Variants in TACO1 observed in about 807,000 individuals in gnomAD.
TACO1 encodes translational activator of cytochrome c oxidase I, also known as translational activator of cytochrome c oxidase 1.
In TACO1, 13 loss-of-function variants were observed where a neutral mutation model predicts 24.0. That is an observed-to-expected ratio of 0.54 (90% CI 0.35 to 0.86). The LOEUF (loss-of-function observed/expected upper bound fraction) is 0.86. TACO1 is among the 40% of genes least tolerant of loss of function. The probability of loss-of-function intolerance (pLI) is 0.01; values close to 1 mark genes in which losing one functional copy is unlikely to be tolerated. For missense variants in TACO1, 352 were observed against 380.1 expected (o/e 0.93, Z 0.61); for synonymous variants, 149 against 153.5 (o/e 0.97, Z 0.22).
chr17:63,604,399 A>T, intron 1 of TACO1, 135 bp from the exon 2 acceptor site: 1 of 763,388 alleles, frequency 1.3e-6, no homozygotes, highest in South Asian at 1.4e-5. Flanking sequence ...TAGTTAAGGT[A>T]TTCTAAGGTA....
rs770721249 is a variant in TACO1, at chr17:63,607,837, G to C, written c.729G>C (p.Arg243Ser). Residue 243 changes from arginine (R) to serine (S), a missense_variant, in exon 5 of 5, where the codon AGG becomes AGC. Transcript: ENST00000258975. ...ICDASSLHQV[R>S]KKLDSLGLCS... is the part of the protein sequence containing the mutation. The stretch of plus-strand genomic sequence containing the variant: ...ATGCCTCTTCACTGCACCAAGTGAG[G>C]AAGAAGCTGGACTCCCTGGGCCTGT... 2 of 1,614,118 alleles carry C rather than the reference G, an allele frequency of 1.2e-6. No individual in the cohort carries two copies. The highest frequency in any genetic ancestry group is 1.7e-6 in the Non-Finnish European group (2 of 1,180,020).
At chr17:63,606,232 T>C in intron 2 of TACO1, 81 bp from the exon 3 acceptor site, 1 of 1,578,492 alleles carries the variant, frequency 6.3e-7, no homozygotes, top group Non-Finnish European at 8.7e-7. Flanking sequence ...ATGGAGTTAG[T>C]TTTGCGATAC....
rs769964620 is a variant in TACO1, at chr17:63,607,404, C to T, written c.633C>T (p.Ile211=). ...VNLERALEMA[I]EAGAEDVKET... ...TAGAGCGTGCCCTGGAGATGGCAATCGAAGCAGGAGCTGAGGATGTCAAGG... is the reference window on the plus strand; with the variant it reads ...TAGAGCGTGCCCTGGAGATGGCAATTGAAGCAGGAGCTGAGGATGTCAAGG... The change falls in exon 4 of 5, where the codon ATC becomes ATT. Residue 211 remains isoleucine, a synonymous_variant. Transcript: ENST00000258975. 8.7e-6 allele frequency: 14 copies of T among 1,613,968 alleles called. No homozygotes were observed. Among genetic ancestry groups the T allele is most frequent in the Admixed American group, 6.7e-5 (4 of 59,990 alleles).
chr17:63,604,495 C>G (rs2033847382), intron 1 of TACO1, 39 bp from the exon 2 acceptor site: 1 of 1,557,644 alleles, frequency 6.4e-7, no homozygotes, highest in African/African-American at 1.4e-5. Context: ...AATGAGATGT[C>G]TTTGCTCACT....
Position 63,603,831 on chromosome 17 carries a change from C to T in TACO1, c.281-703C>T, listed in dbSNP as rs149320508. Reference sequence around the variant, plus strand: ...AGGAGTTTGAGACCAGCCTGGGCGACATGGTGAAAACCTGAATCTACAAAA... The same window carrying T: ...AGGAGTTTGAGACCAGCCTGGGCGATATGGTGAAAACCTGAATCTACAAAA... On this transcript the variant is annotated intron_variant, in intron 1 of 4. Coordinates refer to ENST00000258975, the MANE Select transcript of TACO1 (RefSeq NM_016360.4). Among the ~76,000 whole-genome samples the T allele has an allele frequency of 2.6e-5, 4 of 152,162 alleles. No homozygotes were observed. In the East Asian group the frequency reaches 7.7e-4, roughly 29 times the overall value.
chr17:63,605,212 G>A (rs1407537415), intron 2 of TACO1, among the ~76,000 whole-genome samples: 1 of 152,096 alleles, frequency 6.6e-6, no homozygotes. Flanking sequence ...AGGTATTATA[G>A]AAAGAAGGGG....
At chr17:63,604,766 C>A (rs1247725165) in intron 2 of TACO1, 126 bp downstream of exon 2, 4 of 891,400 alleles carry the variant, frequency 4.5e-6, no homozygotes, top group South Asian at 1.4e-5. Flanking sequence ...ATAATCCCAG[C>A]ACTTTGGGAG....
At chr17:63,605,698 T>A (rs1270073636) in intron 2 of TACO1, among the ~76,000 whole-genome samples, 1 of 152,140 alleles carries the variant, frequency 6.6e-6, no homozygotes, top group African/African-American at 2.4e-5. Context: ...CTAGTGGCCC[T>A]TTTTACCTTT....
intron 1 of TACO1, among the ~76,000 whole-genome samples, chr17:63,602,098 A>C (rs557754115): frequency 3.3e-4 from 49 of 150,484 alleles, no homozygotes; most frequent in African/African-American, 1.1e-3. Context: ...AACAAAAAAA[A>C]AAAAAAAAAA....
chr17:63,604,502 C>T, intron 1 of TACO1, 32 bp from the exon 2 acceptor site: 5 of 1,575,882 alleles, frequency 3.2e-6, no homozygotes, highest in Non-Finnish European at 4.4e-6. Flanking sequence ...TGTCTTTGCT[C>T]ACTCTTTTTT....
chr17:63,608,207 T>C lies in TACO1; in HGVS notation c.*205T>C. 1 of 640,206 alleles carries C rather than the reference T, an allele frequency of 1.6e-6. No individual in the cohort carries two copies. Among genetic ancestry groups the C allele is most frequent in the South Asian group, 1.8e-5 (1 of 57,072 alleles). The allele number at this position is 640,206 out of a possible 1,614,324, so 39.7% of individuals were successfully genotyped here. A position where few individuals can be genotyped will look rare whatever the true frequency, so the allele number is the denominator to read the frequency against. On this transcript the variant is annotated 3_prime_UTR_variant, in exon 5 of 5. Coordinates refer to ENST00000258975, the MANE Select transcript of TACO1 (RefSeq NM_016360.4). ...GCTCTGCTGCTGTCTCAGAGCCATC[T>C]GGATGAGTGTCCCGACACCCTCTCG... is the stretch of plus-strand genomic sequence containing the variant.
At chr17:63,602,464 G>GT in intron 1 of TACO1, among the ~76,000 whole-genome samples, 1 of 152,080 alleles carries the variant, frequency 6.6e-6, no homozygotes, top group Non-Finnish European at 1.5e-5. Context: ...CTCATGCCTG[G>GT]TATTTGTTTG....
intron 4 of TACO1, 124 bp downstream of exon 4, chr17:63,607,588 A>G: frequency 3.7e-6 from 4 of 1,086,804 alleles, no homozygotes; most frequent in Non-Finnish European, 5.5e-6. Flanking sequence ...CACATATTGT[A>G]CAAACATTTA....
At chr17:63,602,262 C>CA (rs897099348) in intron 1 of TACO1, among the ~76,000 whole-genome samples, 4,591 of 60,024 alleles carry the variant, frequency 0.076, 126 homozygotes, top group Middle Eastern at 0.13. Flanking sequence ...GACTCCATCT[C>CA]AAAAAAAAAA....
At chr17:63,603,599 A>G (rs1022015557) in intron 1 of TACO1, among the ~76,000 whole-genome samples, 13 of 152,142 alleles carry the variant, frequency 8.5e-5, no homozygotes, top group South Asian at 2.1e-4. Context: ...CCAGCTACTT[A>G]GGAGGCTGAG....
chr17:63,601,103 C>G lies in TACO1; in HGVS notation c.20C>G (p.Ala7Gly). 6.5e-7 allele frequency: 1 copy of G among 1,541,850 alleles called. No individual in the cohort carries two copies. Among genetic ancestry groups the G allele is most frequent in the Non-Finnish European group, 8.7e-7 (1 of 1,145,910 alleles). Residue 7 changes from alanine to glycine, a missense_variant, in exon 1 of 5, where the codon GCC becomes GGC. Ala to Gly is a moderately conservative substitution (Grantham distance 60). Coordinates refer to ENST00000258975, the MANE Select transcript of TACO1 (RefSeq NM_016360.4). ...GGACCGATGTCGGCTTGGGCTGCTGCCAGCCTAAGCAGGGCCGCTGCCCGA... is the reference window on the plus strand; with the variant it reads ...GGACCGATGTCGGCTTGGGCTGCTGGCAGCCTAAGCAGGGCCGCTGCCCGA... The part of the protein sequence containing the change: MSAWAA[A>G]SLSRAAARCL...
Position 63,606,456 on chromosome 17 carries a change from G to A in TACO1, c.515+16G>A. 1 of 1,614,076 alleles carries A rather than the reference G, an allele frequency of 6.2e-7. No homozygotes were observed. The highest frequency in any genetic ancestry group is 1.1e-5 in the South Asian group (1 of 91,074). ...ATAAGAATGGGTAAGTGTGCGTCTG[G>A]GAGGAGTGGTAGGGGACAGAGCCTT... On this transcript the variant is annotated intron_variant, in intron 3 of 4. Coordinates refer to ENST00000258975, the MANE Select transcript of TACO1 (RefSeq NM_016360.4).
intron 1 of TACO1, 123 bp downstream of exon 1, chr17:63,601,486 G>C (rs1695175696): frequency 9.1e-7 from 1 of 1,099,496 alleles, no homozygotes; most frequent in East Asian, 2.6e-5. Flanking sequence ...TCCTTCCCCA[G>C]TACCCACCAT....
chr17:63,602,454 C>T (rs1044789245), intron 1 of TACO1, among the ~76,000 whole-genome samples: 6 of 152,102 alleles, frequency 3.9e-5, no homozygotes, highest in African/African-American at 1.4e-4. Flanking sequence ...ACCCCCTCAG[C>T]TCATGCCTGG....
Sources: gnomAD v4.1 joint callset for allele counts (sites outside exome capture counted in the v4.1 genomes callset) on GRCh38, gnomAD v4.1.1 for gene constraint, MANE v1.5 for transcripts, NCBI Gene and HGNC (gene_info 2026-07-23, HGNC 2026-07-21) for gene names.